Variants in TCF4 observed in about 807,000 individuals in gnomAD.
The protein encoded by TCF4 is SL3-3 enhancer factor 2.
A neutral mutation model predicts 82.1 loss-of-function variants in TCF4; 3 were observed. The ratio of observed to expected loss-of-function variants is 0.04; its 90% CI spans 0.02 to 0.09. The LOEUF is 0.09. Ranked by LOEUF, TCF4 falls within the 10% of genes least tolerant of loss-of-function variation. TCF4 has a pLI of 1.00. For missense variants in TCF4, 518 were observed against 852.7 expected, an observed-to-expected ratio of 0.61 and a Z score of 4.89; for synonymous variants, 276 against 309.6, an observed-to-expected ratio of 0.89 and a Z score of 1.14.
intron 8 of TCF4, among the ~76,000 whole-genome samples, chr18:55,309,630 T>C (rs898050577): frequency 6.6e-6 from 1 of 152,238 alleles, no homozygotes; most frequent in Middle Eastern, 3.2e-3. Context: ...TACAATATTT[T>C]CTGTAAGCTT....
intron 3 of TCF4, among the ~76,000 whole-genome samples, chr18:55,499,791 C>T (rs2096677252): frequency 6.6e-6 from 1 of 152,202 alleles, no homozygotes; most frequent in South Asian, 2.1e-4. Context: ...TATCTGAATC[C>T]TACTGGGAGC....
chr18:55,606,862 A>G (rs2097702625), intron 2 of TCF4, among the ~76,000 whole-genome samples: 1 of 152,198 alleles, frequency 6.6e-6, no homozygotes, highest in South Asian at 2.1e-4. Context: ...CATTGTTTGC[A>G]TATACTCCCA....
chr18:55,513,315 A>G (rs632110), intron 3 of TCF4, among the ~76,000 whole-genome samples: 1 of 151,726 alleles, frequency 6.6e-6, no homozygotes, highest in Non-Finnish European at 1.5e-5. Context: ...AGTGGAAAAC[A>G]AAGAGCTCAT....
intron 8 of TCF4, among the ~76,000 whole-genome samples, chr18:55,281,912 T>C (rs1221148623): frequency 1.3e-5 from 2 of 151,960 alleles, no homozygotes; most frequent in African/African-American, 4.8e-5. Context: ...GGAATTGAAA[T>C]GTTTTTAGGA....
chr18:55,515,200 A>G (rs2096869487), intron 3 of TCF4, among the ~76,000 whole-genome samples: 1 of 152,174 alleles, frequency 6.6e-6, no homozygotes, highest in Non-Finnish European at 1.5e-5. Flanking sequence ...AGGCAAGTAG[A>G]TGAGAGAGAA....
intron 5 of TCF4, chr18:55,422,427 T>A (rs1169286283): frequency 2.0e-6 from 2 of 984,328 alleles, no homozygotes; most frequent in Non-Finnish European, 2.4e-6. Flanking sequence ...GGGTTTTTTT[T>A]AATATTAAAA....
chr18:55,404,068 A>G, intron 5 of TCF4: 1 of 1,100,250 alleles, frequency 9.1e-7, no homozygotes, highest in South Asian at 3.2e-5. Context: ...TGATGATGGA[A>G]TTTACATTTG....
At chr18:55,364,860 C>T (rs1244196510) in intron 6 of TCF4, among the ~76,000 whole-genome samples, 1 of 151,930 alleles carries the variant, frequency 6.6e-6, no homozygotes, top group African/African-American at 2.4e-5. Flanking sequence ...TTTACTAATG[C>T]ACATTAAAAA....
At chr18:55,366,208 G>A (rs1394640097) in intron 6 of TCF4, among the ~76,000 whole-genome samples, 1 of 152,076 alleles carries the variant, frequency 6.6e-6, no homozygotes, top group Non-Finnish European at 1.5e-5. Flanking sequence ...TTATTTATTT[G>A]TTCATTTGAA....
chr18:55,513,656 T>C (rs2096851432), intron 3 of TCF4, among the ~76,000 whole-genome samples: 1 of 152,138 alleles, frequency 6.6e-6, no homozygotes, highest in African/African-American at 2.4e-5. Flanking sequence ...AACTATAAAT[T>C]TGGAAAACGC....
At chr18:55,541,941 T>C (rs544462456) in intron 3 of TCF4, among the ~76,000 whole-genome samples, 1 of 152,072 alleles carries the variant, frequency 6.6e-6, no homozygotes, top group African/African-American at 2.4e-5. Context: ...ACTGAGAATG[T>C]AGATTTATAT....
intron 9 of TCF4, among the ~76,000 whole-genome samples, chr18:55,276,265 T>C (rs1314416053): frequency 6.6e-6 from 1 of 152,198 alleles, no homozygotes; most frequent in Non-Finnish European, 1.5e-5. Flanking sequence ...GGAATTATAA[T>C]TATATTACGG....
intron 3 of TCF4, among the ~76,000 whole-genome samples, chr18:55,554,959 C>T (rs952218231): frequency 2.6e-5 from 4 of 152,150 alleles, no homozygotes; most frequent in African/African-American, 9.7e-5. Context: ...TTTTCCTTCC[C>T]TTTCTTTATT....
intron 2 of TCF4, among the ~76,000 whole-genome samples, chr18:55,601,512 G>T (rs943151329): frequency 3.9e-5 from 6 of 152,160 alleles, no homozygotes; most frequent in African/African-American, 1.2e-4. Flanking sequence ...AGCTGGGTGC[G>T]GTGGCTCACG....
intron 3 of TCF4, among the ~76,000 whole-genome samples, chr18:55,501,014 GA>G (rs1410432475): frequency 6.6e-6 from 1 of 152,162 alleles, no homozygotes; most frequent in Non-Finnish European, 1.5e-5. Flanking sequence ...GATTATTACT[GA>G]GAACCCTGGA....
At chr18:55,237,408 T>A (rs1054876564) in intron 15 of TCF4, among the ~76,000 whole-genome samples, 7 of 151,936 alleles carry the variant, frequency 4.6e-5, no homozygotes. Flanking sequence ...TTTCTATAGA[T>A]CATCTTAAAT....
intron 3 of TCF4, among the ~76,000 whole-genome samples, chr18:55,520,906 C>T (rs1465994931): frequency 2.0e-5 from 3 of 152,174 alleles, no homozygotes; most frequent in African/African-American, 7.2e-5. Flanking sequence ...AGGCTTGTGA[C>T]ATTTTTTTCT....
chr18:55,531,638 T>C (rs1225370430), intron 3 of TCF4, among the ~76,000 whole-genome samples: 1 of 152,232 alleles, frequency 6.6e-6, no homozygotes, highest in Non-Finnish European at 1.5e-5. Flanking sequence ...ATGTGATCAA[T>C]ATTCAGCAGA....
chr18:55,295,453 G>A (rs1334549198), intron 8 of TCF4, among the ~76,000 whole-genome samples: 8 of 152,170 alleles, frequency 5.3e-5, no homozygotes, highest in African/African-American at 1.9e-4. Flanking sequence ...CCTCCTGGAT[G>A]CTGCAGCCAA....
Sources: gnomAD v4.1 joint callset for allele counts (sites outside exome capture counted in the v4.1 genomes callset) on GRCh38, gnomAD v4.1.1 for gene constraint, MANE v1.5 for transcripts, NCBI Gene and HGNC (gene_info 2026-07-23, HGNC 2026-07-21) for gene names.